The following EIF3I variants were observed in gnomAD, a reference collection of about 807,000 sequenced individuals.
EIF3I encodes the protein TGF-beta receptor-interacting protein 1.
Under a neutral mutation model 43.3 loss-of-function variants are expected in EIF3I, and 20 were observed. The ratio of observed to expected loss-of-function variants is 0.46; its 90% CI spans 0.32 to 0.67. EIF3I has a LOEUF of 0.67. EIF3I is among the 30% of genes least tolerant of loss of function. EIF3I has a pLI of 0.03. For missense variants in EIF3I, 279 were observed against 421.4 expected (o/e 0.66, Z 2.96); for synonymous variants, 167 against 151.7 (o/e 1.10, Z -0.74).
At chr1:32,229,254 A>G (rs1301745553) in intron 9 of EIF3I, 46 bp downstream of exon 9, 6 of 1,594,280 alleles carry the variant, frequency 3.8e-6, no homozygotes, top group South Asian at 2.2e-5. Flanking sequence ...CATGTGGTGT[A>G]CCTTTTTTGT....
downstream of EIF3I, among the ~76,000 whole-genome samples, chr1:32,232,928 G>A (rs1029168639): frequency 1.3e-5 from 2 of 152,000 alleles, no homozygotes; most frequent in Admixed American, 1.3e-4. Flanking sequence ...CTGGCATCTG[G>A]GACTGATAGG....
At position 32,226,309 on chromosome 1, in the gene EIF3I, C is replaced by G. The variant is rs747571117; in HGVS notation, c.389C>G (p.Pro130Arg). ...GTGAGCTTTTTTGACCTGCGGGATC[C>G]GAGCCAGATTGGTGAGGGCTGGGAA... The change falls in exon 5 of 12, where the codon CCG (proline) becomes CGG (arginine). Residue 130 changes from proline to arginine, a missense_variant. Physicochemically the swap from Pro to Arg is moderately radical, Grantham distance 103 (BLOSUM62 -2). This residue lies in a region of EIF3I where 156 missense variants were observed against 178.8 expected (regional missense o/e 0.87). Transcript: ENST00000676679. The G allele has an allele frequency of 5.6e-6, 9 of 1,613,976 alleles. No homozygotes were observed. Among genetic ancestry groups the G allele is most frequent in the African/African-American group, 1.3e-5 (1 of 74,910 alleles).
chr1:32,230,245 T>C (rs1454890754), intron 9 of EIF3I, among the ~76,000 whole-genome samples: 1 of 150,920 alleles, frequency 6.6e-6, no homozygotes, highest in Non-Finnish European at 1.5e-5. Context: ...TCTGCTTTAT[T>C]ATTATTATTT....
At chr1:32,229,386 A>C (rs536841581) in intron 9 of EIF3I, among the ~76,000 whole-genome samples, 178 bp downstream of exon 9, 1 of 150,888 alleles carries the variant, frequency 6.6e-6, no homozygotes, top group South Asian at 2.1e-4. Flanking sequence ...TCAGCGGCCC[A>C]GGCGCCCACC....
At chr1:32,225,463 C>T (rs1278609416) in intron 4 of EIF3I, among the ~76,000 whole-genome samples, 2 of 152,070 alleles carry the variant, frequency 1.3e-5, no homozygotes, top group East Asian at 3.9e-4. Context: ...AAATACTTGG[C>T]CAGGTGTGGT....
chr1:32,222,410 C>CAA, exon 1 of EIF3I: 1 of 1,586,580 alleles, frequency 6.3e-7, no homozygotes, highest in South Asian at 1.1e-5. Context: ...CGGTCTTACT[C>CAA]ACGTTGCGGC....
rs889472616 is a variant in EIF3I at position 32,231,320 on chromosome 1, G to A, written c.*124G>A. ...AGCCTGACCAACATGGAGAAACCTC[G>A]TCTCTACTAAAAATACAAAAATTAG... On this transcript the variant is annotated 3_prime_UTR_variant, in exon 12 of 12. Transcript: ENST00000676679. 1.1e-5 allele frequency: 9 copies of A among 844,240 alleles called. 1 individual carries two copies. The highest frequency in any genetic ancestry group is 4.6e-5 in the South Asian group (3 of 64,610). The allele number at this position is 844,240 out of a possible 1,614,324, so 52.3% of individuals were successfully genotyped here. A position where few individuals can be genotyped will look rare whatever the true frequency, so the allele number is the denominator to read the frequency against.
intron 6 of EIF3I, 141 bp downstream of exon 6, chr1:32,226,671 A>T (rs1639151820): frequency 2.1e-6 from 2 of 931,664 alleles, no homozygotes; most frequent in African/African-American, 3.5e-5. Context: ...GGTTCAAGCA[A>T]TTCCCCTGCC....
chr1:32,227,275 T>TTA (rs1273441625), intron 6 of EIF3I, among the ~76,000 whole-genome samples: 5 of 55,426 alleles, frequency 9.0e-5, no homozygotes, highest in African/African-American at 3.1e-4. Flanking sequence ...ACCCTGTCTC[T>TTA]AAAAAAAAAA....
chr1:32,222,696 G>A lies in EIF3I; in HGVS notation c.96+66G>A, dbSNP rs552937919. On this transcript the variant is annotated intron_variant, in intron 2 of 11. Coordinates refer to ENST00000676679, the Ensembl canonical transcript of EIF3I. ...TTCTGCCAGGACGATGGGTGGACAC[G>A]CCAGTTTTGCCGTTAGCGGGGAACC... is the stretch of plus-strand genomic sequence containing the variant. The A allele has an allele frequency of 2.8e-5, 43 of 1,510,238 alleles. No homozygotes were observed. The South Asian group carries it at 4.4e-4, about 15-fold the overall frequency. 93.6% of individuals were successfully genotyped at this position (1,510,238 alleles called of 1,614,324 possible).
intron 4 of EIF3I, among the ~76,000 whole-genome samples, chr1:32,225,757 T>A (rs1375278672): frequency 1.3e-5 from 2 of 150,222 alleles, no homozygotes; most frequent in African/African-American, 4.9e-5. Flanking sequence ...GCGCGGTGGC[T>A]CACACCTGTA....
chr1:32,235,121 G>T (rs1458511145), downstream of EIF3I: 1 of 152,704 alleles, frequency 6.5e-6, no homozygotes, highest in Admixed American at 6.5e-5. Context: ...CCTCTGGGCG[G>T]TGGGAGTCTG....
chr1:32,228,084 CA>C (rs1484397694), intron 6 of EIF3I, among the ~76,000 whole-genome samples: 1 of 152,176 alleles, frequency 6.6e-6, no homozygotes, highest in Non-Finnish European at 1.5e-5. Context: ...AAAGGAACAG[CA>C]AAGGCAAAGG....
chr1:32,224,340 T>C, intron 3 of EIF3I, 70 bp from the exon 4 acceptor site: 1 of 1,356,196 alleles, frequency 7.4e-7, no homozygotes, highest in Non-Finnish European at 1.1e-6. Context: ...AACAGGGAGA[T>C]GATTCACTTG....
Position 32,224,429 on chromosome 1 carries a change from C to T in EIF3I, c.204C>T (p.Leu68=), listed in dbSNP as rs373834014. 19 of 1,613,774 alleles carry T rather than the reference C, an allele frequency of 1.2e-5. No homozygotes were observed. The African/African-American group carries it at 2.5e-4, about 22-fold the overall frequency. The change falls in exon 4 of 12, where the codon CTC becomes CTT. Residue 68 remains leucine, a synonymous_variant. Transcript: ENST00000676679. The stretch of plus-strand genomic sequence containing the variant: ...CTTCAGGGGACACCAAGCATGTCCT[C>T]ACTGGCTCAGCTGACAACAGCTGTC...
chr1:32,229,184 C>G, exon 9 of EIF3I: 1 of 1,614,174 alleles, frequency 6.2e-7, no homozygotes, highest in Non-Finnish European at 8.5e-7. Flanking sequence ...ACAACCTCCA[C>G]CAGGATTGGC....
At position 32,228,827 on chromosome 1, in the gene EIF3I, C is replaced by T; in HGVS notation, c.729+11C>T. The stretch of plus-strand genomic sequence containing the variant: ...CCCAACTATGACCATGTAAGAGAAC[C>T]CCACCTGCCTTCCTGCTGAAGCCTC... On this transcript the variant is annotated intron_variant, in intron 8 of 11. Coordinates refer to ENST00000676679, the Ensembl canonical transcript of EIF3I. 4 of 1,605,628 alleles carry T rather than the reference C, an allele frequency of 2.5e-6. No homozygotes were observed. The highest frequency in any genetic ancestry group is 3.4e-6 in the Non-Finnish European group (4 of 1,173,114).
At position 32,222,449 on chromosome 1, in the gene EIF3I, G is replaced by C. The variant is rs1318964013; in HGVS notation, c.3+5G>C. ...CCTCGCGTCACAGCCGGGATGGTGA[G>C]TTTCAGAGTTAGGGGTATTGCAGTG... On this transcript the variant is annotated splice_donor_5th_base_variant and intron_variant, in intron 1 of 11. Transcript: ENST00000676679. The C allele has an allele frequency of 6.2e-7, 1 of 1,602,950 alleles. No individual in the cohort carries two copies. The highest frequency in any genetic ancestry group is 1.3e-5 in the African/African-American group (1 of 74,790).
chr1:32,223,753 A>T (rs1639084392), intron 2 of EIF3I, among the ~76,000 whole-genome samples: 1 of 152,200 alleles, frequency 6.6e-6, no homozygotes, highest in Non-Finnish European at 1.5e-5. Flanking sequence ...ACTGGAGCTC[A>T]ACTTGGCCTT....
Sources: gnomAD v4.1 joint callset for allele counts (sites outside exome capture counted in the v4.1 genomes callset) on GRCh38, gnomAD v4.1.1 for gene constraint, gnomAD v4.1.1 regional missense constraint, MANE v1.5 for transcripts, NCBI Gene and HGNC (gene_info 2026-07-23, HGNC 2026-07-21) for gene names.